TRPM7: variants seen among roughly 807,000 people sequenced by gnomAD.
The protein encoded by TRPM7 is LTRPC ion channel family member 7.
Under a neutral mutation model 229.7 loss-of-function variants are expected in TRPM7, and 134 were observed. That is an observed-to-expected ratio of 0.58 (90% CI 0.51 to 0.67). The LOEUF (loss-of-function observed/expected upper bound fraction) is 0.67. Ranked by LOEUF, TRPM7 falls within the 30% of genes least tolerant of loss-of-function variation. The pLI is 0.00. For missense variants in TRPM7, 1,901 were observed against 2,210.0 expected (o/e 0.86, Z 2.80); for synonymous variants, 699 against 715.2 (o/e 0.98, Z 0.36).
Position 50,561,707 on chromosome 15 carries a change from A to G in TRPM7, c.5569T>C (p.Ser1857Pro), listed in dbSNP as rs374738944. 1.2e-6 allele frequency: 2 copies of G among 1,611,294 alleles called. No homozygotes were observed. Among genetic ancestry groups the G allele is most frequent in the African/African-American group, 2.7e-5 (2 of 74,760 alleles). Residue 1857 changes from serine to proline, a missense_variant, in exon 39 of 39, where the codon TCA (serine) becomes CCA (proline). Coordinates refer to ENST00000646667, the MANE Select transcript of TRPM7 (RefSeq NM_017672.6). Reference protein sequence around the residue: ...QPGNSTKESESTNSVRLML With the variant: ...QPGNSTKESEPTNSVRLML ...AACATCAGACGAACAGAATTAGTTG[A>G]TTCTGATTCTTTGGTGGAATTTCCA...
At chr15:50,618,398 G>A (rs540722644) in intron 13 of TRPM7, among the ~76,000 whole-genome samples, 8 of 151,962 alleles carry the variant, frequency 5.3e-5, no homozygotes, top group South Asian at 4.2e-4. Flanking sequence ...GTGAAACCCC[G>A]TCTCTACTAA....
chr15:50,616,283 A>G (rs1319978940), intron 13 of TRPM7, among the ~76,000 whole-genome samples: 2 of 152,244 alleles, frequency 1.3e-5, no homozygotes, highest in Non-Finnish European at 2.9e-5. Context: ...TTTATCACTT[A>G]TAGAAATAAA....
rs554591371 is a variant in TRPM7, at chr15:50,559,544, G to A, written c.*2134C>T. On this transcript the variant is annotated 3_prime_UTR_variant, in exon 39 of 39. Transcript: ENST00000646667. ...AACAAAACAAAACAAAAACAGTATA[G>A]ATGAAAGGCAGCCAGCCTGGGTTCA... 100 of 149,346 alleles carry A rather than the reference G, an allele frequency of 6.7e-4. No homozygotes were observed. The highest frequency in any genetic ancestry group is 2.5e-3 in the African/African-American group (98 of 39,404). 9.3% of individuals were successfully genotyped at this position (149,346 alleles called of 1,614,324 possible).
intron 3 of TRPM7, among the ~76,000 whole-genome samples, chr15:50,649,412 C>T (rs573370779): frequency 2.3e-4 from 32 of 140,244 alleles, no homozygotes; most frequent in African/African-American, 4.2e-4. Context: ...CCATCCTGGA[C>T]GACAGAACAA....
chr15:50,617,896 C>CG (rs2060273576), intron 13 of TRPM7, among the ~76,000 whole-genome samples: 1 of 151,962 alleles, frequency 6.6e-6, no homozygotes, highest in Non-Finnish European at 1.5e-5. Flanking sequence ...TTCTCTCTGG[C>CG]GATCCACTCA....
Position 50,637,602 on chromosome 15 carries a change from T to C in TRPM7, c.661-9A>G, listed in dbSNP as rs374061801. 15 of 1,607,264 alleles carry C rather than the reference T, an allele frequency of 9.3e-6. No individual in the cohort carries two copies. Among genetic ancestry groups the C allele is most frequent in the Admixed American group, 5.2e-5 (3 of 58,202 alleles). On this transcript the variant is annotated splice_polypyrimidine_tract_variant and intron_variant, in intron 6 of 38. Transcript: ENST00000646667. ...TGATAAGGAGCAACCACCTAAACAATAGCAAACAAAAGAGTTAGTGAGCAG... is the reference window on the plus strand; with the variant it reads ...TGATAAGGAGCAACCACCTAAACAACAGCAAACAAAAGAGTTAGTGAGCAG...
intron 1 of TRPM7, among the ~76,000 whole-genome samples, chr15:50,680,845 C>A (rs573165871): frequency 5.3e-5 from 8 of 152,212 alleles, no homozygotes; most frequent in African/African-American, 1.7e-4. Flanking sequence ...TCAACACCTA[C>A]TCTACCACTT....
chr15:50,643,548 C>T lies in TRPM7; in HGVS notation c.327G>A (p.Val109=), dbSNP rs2061168406. 1 of 1,612,052 alleles carries T rather than the reference C, an allele frequency of 6.2e-7. No individual in the cohort carries two copies. The highest frequency in any genetic ancestry group is 8.5e-7 in the Non-Finnish European group (1 of 1,178,678). The change falls in exon 5 of 39, where the codon GTG becomes GTA. Residue 109 remains valine (V), a synonymous_variant. Coordinates refer to ENST00000646667, the MANE Select transcript of TRPM7 (RefSeq NM_017672.6). ...CAGGTTTGGTGTCATATGATAGCCTCACATACTAGAAAAAGATTTTAAAAG... is the reference window on the plus strand; with the variant it reads ...CAGGTTTGGTGTCATATGATAGCCTTACATACTAGAAAAAGATTTTAAAAG... The part of the protein sequence containing the change: ...GGSHSYRAKY[V]RLSYDTKPEV...
chr15:50,635,318 T>TAAAAA (rs71124393), intron 7 of TRPM7, among the ~76,000 whole-genome samples: 704 of 42,944 alleles, frequency 0.016, 51 homozygotes, highest in Non-Finnish European at 0.025. Flanking sequence ...CTCCCTCACA[T>TAAAAA]AAAAAAAAAA....
At chr15:50,666,565 A>G (rs2061886957) in intron 1 of TRPM7, among the ~76,000 whole-genome samples, 1 of 152,120 alleles carries the variant, frequency 6.6e-6, no homozygotes, top group South Asian at 2.1e-4. Flanking sequence ...GCACTTTGGG[A>G]GGCTGAGGCG....
intron 31 of TRPM7, among the ~76,000 whole-genome samples, chr15:50,577,910 T>C (rs1429269270): frequency 1.3e-5 from 2 of 152,092 alleles, no homozygotes; most frequent in Non-Finnish European, 2.9e-5. Context: ...TCCACAGCAA[T>C]ATTGATGAAT....
rs1444031699 is a variant in TRPM7, at chr15:50,612,811, C to CTGGAA, written c.1788_1789insTTCCA (p.Glu597PhefsTer14). 1 of 1,612,436 alleles carries CTGGAA rather than the reference C, an allele frequency of 6.2e-7. No homozygotes were observed. The highest frequency in any genetic ancestry group is 1.1e-5 in the South Asian group (1 of 90,952). ...TCTTTGGTTCTTTTCTTCTTTCCTT[C>CTGGAA]TTCCATAACTGTATCAATCTTCCAG... On this transcript the variant is annotated frameshift_variant, in exon 16 of 39. Coordinates refer to ENST00000646667, the MANE Select transcript of TRPM7 (RefSeq NM_017672.6). LOFTEE classifies it high-confidence loss of function.
intron 3 of TRPM7, among the ~76,000 whole-genome samples, chr15:50,653,759 G>GA (rs1055525632): frequency 3.3e-5 from 5 of 152,008 alleles, no homozygotes; most frequent in African/African-American, 4.8e-5. Flanking sequence ...AGACAAGAAG[G>GA]AAAAAAATCT....
chr15:50,646,805 C>G (rs1398300384), intron 4 of TRPM7, among the ~76,000 whole-genome samples: 1 of 152,072 alleles, frequency 6.6e-6, no homozygotes, highest in East Asian at 1.9e-4. Context: ...AAGGTGGTTC[C>G]CTAATATTAT....
At chr15:50,590,768 G>A (rs1314791299) in intron 26 of TRPM7, among the ~76,000 whole-genome samples, 3 of 151,538 alleles carry the variant, frequency 2.0e-5, no homozygotes, top group Admixed American at 6.6e-5. Context: ...AGGTTGCAGC[G>A]AGCCGAGATT....
At chr15:50,579,510 G>A (rs948788374) in intron 30 of TRPM7, among the ~76,000 whole-genome samples, 5 of 152,158 alleles carry the variant, frequency 3.3e-5, no homozygotes, top group Non-Finnish European at 5.9e-5. Context: ...AGCACTCAAA[G>A]GGCTGCCAAT....
chr15:50,677,667 G>A (rs1427592156), intron 1 of TRPM7, among the ~76,000 whole-genome samples: 1 of 147,876 alleles, frequency 6.8e-6, no homozygotes, highest in African/African-American at 2.5e-5. Context: ...TGAATCTGGG[G>A]GACAGAGCTT....
chr15:50,562,673 G>A (rs2053370686), intron 38 of TRPM7, among the ~76,000 whole-genome samples: 1 of 151,724 alleles, frequency 6.6e-6, no homozygotes, highest in African/African-American at 2.4e-5. Context: ...TCAGAAGGCC[G>A]AGGTGGGAGG....
intron 28 of TRPM7, 23 bp from the exon 29 acceptor site, chr15:50,583,182 A>T: frequency 6.4e-7 from 1 of 1,565,246 alleles, no homozygotes. Flanking sequence ...TAAAAAATAT[A>T]AAAAAGCTAC....
Sources: gnomAD v4.1 joint callset for allele counts (sites outside exome capture counted in the v4.1 genomes callset) on GRCh38, gnomAD v4.1.1 for gene constraint, MANE v1.5 for transcripts, NCBI Gene and HGNC (gene_info 2026-07-23, HGNC 2026-07-21) for gene names.